The following MTMR7 variants were observed in gnomAD, a reference collection of about 807,000 sequenced individuals.
The protein encoded by MTMR7 is phosphatidylinositol-3-phosphate phosphatase MTMR7.
MTMR7 carries 76 observed loss-of-function variants against 81.2 expected under a neutral mutation model. That is an observed-to-expected ratio of 0.94 (90% CI 0.78 to 1.13). The LOEUF is 1.13. MTMR7 is among the 50% of genes most tolerant of loss of function. The pLI is 0.00. For missense variants in MTMR7, 1,044 were observed against 820.0 expected, an observed-to-expected ratio of 1.27 and a Z score of -3.34; for synonymous variants, 372 against 289.8, an observed-to-expected ratio of 1.28 and a Z score of -2.88.
In MTMR7 at chr8:17,373,211, C is replaced by T. The variant is rs1180269553; in HGVS notation, c.54G>A (p.Val18=). Reference sequence around the variant, plus strand: ...TACCTAGAGCTGCTTTTTTAGGAGACACTCGATCTACCAAGCGGACATTTT... The same window carrying T: ...TACCTAGAGCTGCTTTTTTAGGAGATACTCGATCTACCAAGCGGACATTTT... ...KVENVRLVDR[V]SPKKAALGTL... is the part of the protein sequence containing the mutation. Residue 18 remains valine, a synonymous_variant, in exon 2 of 14, where the codon GTG becomes GTA. Transcript: ENST00000180173. 6.2e-7 allele frequency: 1 copy of T among 1,613,484 alleles called. No homozygotes were observed. Among genetic ancestry groups the T allele is most frequent in the Non-Finnish European group, 8.5e-7 (1 of 1,179,698 alleles).
chr8:17,392,474 T>A (rs1821133825), intron 1 of MTMR7, among the ~76,000 whole-genome samples: 1 of 152,226 alleles, frequency 6.6e-6, no homozygotes, highest in African/African-American at 2.4e-5. Flanking sequence ...AGCACAAATG[T>A]AACCCTCTTA....
chr8:17,355,986 G>A (rs1819878300), intron 4 of MTMR7, among the ~76,000 whole-genome samples: 2 of 152,108 alleles, frequency 1.3e-5, no homozygotes, highest in Admixed American at 6.5e-5. Flanking sequence ...ACAAATAAAA[G>A]CAAAGGAACA....
chr8:17,406,249 AACTG>A (rs1392730633), intron 1 of MTMR7, among the ~76,000 whole-genome samples: 1 of 152,216 alleles, frequency 6.6e-6, no homozygotes, highest in African/African-American at 2.4e-5. Context: ...CAAGTCATAT[AACTG>A]ACTAAGGATT....
intron 7 of MTMR7, among the ~76,000 whole-genome samples, chr8:17,326,842 A>G (rs1180510116): frequency 1.3e-5 from 2 of 152,338 alleles, no homozygotes; most frequent in East Asian, 3.9e-4. Context: ...TGCTTGAGAA[A>G]CATCCAGACT....
intron 6 of MTMR7, 121 bp from the exon 7 acceptor site, chr8:17,331,403 C>G (rs998903144): frequency 9.6e-7 from 1 of 1,040,380 alleles, no homozygotes; most frequent in Non-Finnish European, 1.3e-6. Context: ...AAACATAATA[C>G]GCTTATTTGA....
Position 17,302,153 on chromosome 8 carries a change from C to A in MTMR7, c.1620+1G>T, listed in dbSNP as rs750813288. On this transcript the variant is annotated splice_donor_variant, in intron 13 of 13. Coordinates refer to ENST00000180173, the MANE Select transcript of MTMR7 (RefSeq NM_004686.5). LOFTEE classifies it high-confidence loss of function. ...AGATTAACAAAGCAAGTATGTCTTA[C>A]TTCTTCCAGGGCCTCTAGTTCTTCC... 1 of 1,614,070 alleles carries A rather than the reference C, an allele frequency of 6.2e-7. No individual in the cohort carries two copies. The highest frequency in any genetic ancestry group is 8.5e-7 in the Non-Finnish European group (1 of 1,179,962).
intron 3 of MTMR7, among the ~76,000 whole-genome samples, chr8:17,364,358 T>C (rs1342444837): frequency 6.6e-6 from 1 of 152,196 alleles, no homozygotes; most frequent in South Asian, 2.1e-4. Context: ...GATTTTTGAC[T>C]ACAATGTGGA....
At chr8:17,373,287 CA>C (rs751887314) in intron 1 of MTMR7, 47 bp from the exon 2 acceptor site, 1 of 1,566,104 alleles carries the variant, frequency 6.4e-7, no homozygotes, top group Non-Finnish European at 8.7e-7. Context: ...AGCAGAAGAG[CA>C]ATTCACGAAA....
At chr8:17,353,321 G>C (rs575392044) in intron 4 of MTMR7, among the ~76,000 whole-genome samples, 1 of 152,156 alleles carries the variant, frequency 6.6e-6, no homozygotes, top group Non-Finnish European at 1.5e-5. Context: ...TGGGTATAGA[G>C]TATCAGTTCT....
intron 3 of MTMR7, among the ~76,000 whole-genome samples, chr8:17,368,090 G>C (rs895636284): frequency 5.3e-5 from 8 of 151,986 alleles, no homozygotes; most frequent in African/African-American, 1.9e-4. Context: ...TGGGGGTGTG[G>C]GGTTGGGGGA....
intron 7 of MTMR7, among the ~76,000 whole-genome samples, chr8:17,325,819 G>A (rs1177918481): frequency 2.0e-5 from 3 of 152,154 alleles, no homozygotes; most frequent in Non-Finnish European, 4.4e-5. Context: ...TTCAGCAAAT[G>A]TACCCATAGG....
intron 6 of MTMR7, among the ~76,000 whole-genome samples, chr8:17,335,541 C>T (rs1052594296): frequency 2.6e-5 from 4 of 152,182 alleles, no homozygotes; most frequent in African/African-American, 9.7e-5. Flanking sequence ...ATGACAGTGC[C>T]TACGCTGACA....
chr8:17,348,104 G>C lies in MTMR7; in HGVS notation c.597+849C>G, dbSNP rs953975505. ...AACAGAAAAAAATTGTATCCTCTTA[G>C]AGCCACTGTTACTTAGAGTCTCTAT... On this transcript the variant is annotated intron_variant, in intron 5 of 13. Coordinates refer to ENST00000180173, the MANE Select transcript of MTMR7 (RefSeq NM_004686.5). Among the ~76,000 whole-genome samples, 39 of 152,120 alleles carry C rather than the reference G, an allele frequency of 2.6e-4. 1 individual carries two copies. The highest frequency in any genetic ancestry group is 2.0e-3 in the Admixed American group (30 of 15,272).
At chr8:17,316,612 T>A (rs1032377582) in intron 7 of MTMR7, among the ~76,000 whole-genome samples, 2 of 152,026 alleles carry the variant, frequency 1.3e-5, no homozygotes, top group Admixed American at 1.3e-4. Flanking sequence ...GGGTTCCACA[T>A]CCTTGGAGTC....
At chr8:17,324,640 C>T (rs537354685) in intron 7 of MTMR7, among the ~76,000 whole-genome samples, 2 of 152,194 alleles carry the variant, frequency 1.3e-5, no homozygotes, top group Non-Finnish European at 2.9e-5. Flanking sequence ...ATGACCATGT[C>T]GATAGCCAGT....
chr8:17,326,336 C>T (rs1430477331), intron 7 of MTMR7: 1 of 152,162 alleles, frequency 6.6e-6, no homozygotes, highest in Non-Finnish European at 1.5e-5. Context: ...ATGAGGTTTA[C>T]TTGAGTAAAT....
intron 3 of MTMR7, among the ~76,000 whole-genome samples, chr8:17,368,588 T>C (rs1338675286): frequency 6.6e-6 from 1 of 152,198 alleles, no homozygotes; most frequent in Non-Finnish European, 1.5e-5. Flanking sequence ...AACTGTTTCA[T>C]GTCTAACCCC....
At chr8:17,322,344 G>A (rs1404028436) in intron 7 of MTMR7, among the ~76,000 whole-genome samples, 1 of 152,096 alleles carries the variant, frequency 6.6e-6, no homozygotes, top group Non-Finnish European at 1.5e-5. Context: ...ATTTACCAAT[G>A]GCCTAAAGAA....
At chr8:17,354,596 T>G (rs541085177) in intron 4 of MTMR7, among the ~76,000 whole-genome samples, 2 of 152,314 alleles carry the variant, frequency 1.3e-5, no homozygotes, top group East Asian at 3.9e-4. Flanking sequence ...CTAAGTTTTG[T>G]ATTCTACGTC....
Sources: gnomAD v4.1 joint callset for allele counts (sites outside exome capture counted in the v4.1 genomes callset) on GRCh38, gnomAD v4.1.1 for gene constraint, MANE v1.5 for transcripts, NCBI Gene and HGNC (gene_info 2026-07-23, HGNC 2026-07-21) for gene names.